Variants in WNT8A observed in about 807,000 individuals in gnomAD.
WNT8A encodes the protein protein Wnt-8a.
WNT8A carries 14 observed loss-of-function variants against 20.5 expected under a neutral mutation model. The observed-to-expected ratio is 0.68, with a 90% CI of 0.45 to 1.07. The LOEUF is 1.07. Among genes scored for constraint, WNT8A ranks in the 50% least tolerant of loss-of-function variants. The pLI is 0.00. For missense variants in WNT8A, 397 were observed against 462.9 expected (o/e 0.86, Z 1.31); for synonymous variants, 167 against 169.2 (o/e 0.99, Z 0.10).
chr5:138,082,828 G>A (rs377582763), upstream of WNT8A, among the ~76,000 whole-genome samples: 3 of 151,518 alleles, frequency 2.0e-5, no homozygotes, highest in Non-Finnish European at 1.5e-5. Flanking sequence ...AGTGAGCCGA[G>A]ATCATGCCAC....
Position 138,090,866 on chromosome 5 carries a change from C to G in WNT8A, c.903C>G (p.Ser301=). ...RECLQNSHNT[S]RWERRSCGRL... ...GCCTACAGAACAGCCACAACACATCCAGGTGGGAGCGACGTAGCTGTGGGC... is the reference window on the plus strand; with the variant it reads ...GCCTACAGAACAGCCACAACACATCGAGGTGGGAGCGACGTAGCTGTGGGC... Residue 301 remains serine, a synonymous_variant, in exon 5 of 5, where the codon TCC becomes TCG. Coordinates refer to ENST00000506684, the MANE Select transcript of WNT8A (RefSeq NM_001300939.2). 1 of 1,614,170 alleles carries G rather than the reference C, an allele frequency of 6.2e-7. No individual in the cohort carries two copies. The highest frequency in any genetic ancestry group is 8.5e-7 in the Non-Finnish European group (1 of 1,180,034).
intron 2 of WNT8A, among the ~76,000 whole-genome samples, chr5:138,085,611 G>A (rs1430228697): frequency 6.6e-6 from 1 of 152,144 alleles, no homozygotes; most frequent in Non-Finnish European, 1.5e-5. Flanking sequence ...CACTTTGGAA[G>A]GCTAAGGCAG....
Position 138,091,380 on chromosome 5 carries a change from A to G in WNT8A, c.*307A>G, listed in dbSNP as rs371795865. 1.4e-5 allele frequency: 20 copies of G among 1,401,040 alleles called. No homozygotes were observed. The African/African-American group carries it at 2.2e-4, about 15-fold the overall frequency. The allele number at this position is 1,401,040 out of a possible 1,614,324, so 86.8% of individuals were successfully genotyped here. ...ACAGGGAGAGTTTGGTTTGGGGTCTATATCTAGAGGGACCTTCAAAGTATT... is the reference window on the plus strand; with the variant it reads ...ACAGGGAGAGTTTGGTTTGGGGTCTGTATCTAGAGGGACCTTCAAAGTATT... On this transcript the variant is annotated 3_prime_UTR_variant, in exon 5 of 5. Coordinates refer to ENST00000506684, the MANE Select transcript of WNT8A (RefSeq NM_001300939.2).
In WNT8A at chr5:138,087,913, T is replaced by G. The variant is rs1289608820; in HGVS notation, c.403T>G (p.Ser135Ala). 2 of 1,613,480 alleles carry G rather than the reference T, an allele frequency of 1.2e-6. No homozygotes were observed. The highest frequency in any genetic ancestry group is 2.7e-5 in the African/African-American group (2 of 74,826). ...CTTCGAAAACTGTGGCTGTGATGGGTCAAACAATGGAAAAACAGGTAAGTT... is the reference window on the plus strand; with the variant it reads ...CTTCGAAAACTGTGGCTGTGATGGGGCAAACAATGGAAAAACAGGTAAGTT... ...GDFENCGCDG[S>A]NNGKTGGHGW... is the part of the protein sequence containing the mutation. Residue 135 changes from serine (S) to alanine (A), a missense_variant, in exon 3 of 5, where the codon TCA (serine) becomes GCA (alanine). Physicochemically the swap from Ser to Ala is moderately conservative, Grantham distance 99. Transcript: ENST00000506684.
upstream of WNT8A, among the ~76,000 whole-genome samples, chr5:138,081,322 C>G (rs1166294495): frequency 6.6e-6 from 1 of 151,890 alleles, no homozygotes; most frequent in Non-Finnish European, 1.5e-5. Context: ...CCCTCTGCTT[C>G]CTAGAAAAAA....
chr5:138,090,711 G>A lies in WNT8A; in HGVS notation c.748G>A (p.Glu250Lys), dbSNP rs367693464. 1.7e-5 allele frequency: 27 copies of A among 1,614,086 alleles called. No homozygotes were observed. The highest frequency in any genetic ancestry group is 4.5e-5 in the East Asian group (2 of 44,904). ...GCAGCTGAGAGCTGGGAACAGCGCCGAGGGCCACTGGGTGCCCGCTGAGGC... is the reference window on the plus strand; with the variant it reads ...GCAGCTGAGAGCTGGGAACAGCGCCAAGGGCCACTGGGTGCCCGCTGAGGC... ...KRQLRAGNSAEGHWVPAEAFL... is the reference protein window; with the variant it reads ...KRQLRAGNSAKGHWVPAEAFL... The change falls in exon 5 of 5, where the codon GAG (glutamate) becomes AAG (lysine). Residue 250 changes from glutamate (E) to lysine (K), a missense_variant. Physicochemically the swap from Glu to Lys is moderately conservative, Grantham distance 56. Coordinates refer to ENST00000506684, the MANE Select transcript of WNT8A (RefSeq NM_001300939.2).
At chr5:138,083,492 T>C (rs1750561704), upstream of WNT8A, among the ~76,000 whole-genome samples, 1 of 152,182 alleles carries the variant, frequency 6.6e-6, no homozygotes, top group South Asian at 2.1e-4. Context: ...TCTGAAGTGT[T>C]CCTGCTCCAT....
chr5:138,084,495 C>T lies in WNT8A; in HGVS notation c.157-3C>T, dbSNP rs1273017218. The T allele has an allele frequency of 3.1e-6, 5 of 1,598,492 alleles. No homozygotes were observed. Among genetic ancestry groups the T allele is most frequent in the Admixed American group, 1.7e-5 (1 of 57,928 alleles). On this transcript the variant is annotated splice_polypyrimidine_tract_variant and splice_region_variant and intron_variant, in intron 1 of 4. Coordinates refer to ENST00000506684, the MANE Select transcript of WNT8A (RefSeq NM_001300939.2). The stretch of plus-strand genomic sequence containing the variant: ...AAGCTCACAGCCCTTTTCCCTTTGC[C>T]AGGCCTATCTGACCTACACGACTAG...
chr5:138,087,709 G>A, intron 2 of WNT8A, 97 bp from the exon 3 acceptor site: 2 of 1,233,366 alleles, frequency 1.6e-6, no homozygotes, highest in Non-Finnish European at 2.2e-6. Context: ...CAAAGGAAGT[G>A]GGGGATAAGG....
upstream of WNT8A, among the ~76,000 whole-genome samples, chr5:138,083,708 G>A (rs1278162704): frequency 6.6e-6 from 1 of 152,182 alleles, no homozygotes; most frequent in Non-Finnish European, 1.5e-5. Flanking sequence ...TGCCTTCAGG[G>A]TTAAGGACCC....
chr5:138,082,713 C>CGGG (rs1581353483), upstream of WNT8A, among the ~76,000 whole-genome samples: 1 of 151,256 alleles, frequency 6.6e-6, no homozygotes, highest in South Asian at 2.1e-4. Flanking sequence ...CCCGTCTCTA[C>CGGG]TAAAAATACA....
chr5:138,079,660 T>C (rs1750452772), upstream of WNT8A, among the ~76,000 whole-genome samples: 1 of 152,178 alleles, frequency 6.6e-6, no homozygotes, highest in South Asian at 2.1e-4. Context: ...GATACTACTA[T>C]TCAATCTATC....
At chr5:138,086,334 C>T (rs907868092) in intron 2 of WNT8A, among the ~76,000 whole-genome samples, 1 of 152,128 alleles carries the variant, frequency 6.6e-6, no homozygotes, top group African/African-American at 2.4e-5. Context: ...TCTCCCACTT[C>T]AGCCTCCTGA....
chr5:138,088,481 C>T (rs926518498), intron 3 of WNT8A, among the ~76,000 whole-genome samples: 6 of 151,928 alleles, frequency 3.9e-5, no homozygotes, highest in South Asian at 2.1e-4. Context: ...CTCAGCCTCC[C>T]GAGTAGCTGG....
intron 4 of WNT8A, among the ~76,000 whole-genome samples, chr5:138,089,290 T>C (rs918198189): frequency 1.3e-5 from 2 of 152,216 alleles, no homozygotes; most frequent in Admixed American, 6.5e-5. Flanking sequence ...TCAGATCTTC[T>C]CACTGAGTCC....
intron 2 of WNT8A, 54 bp downstream of exon 2, chr5:138,084,690 G>A (rs577313023): frequency 6.5e-7 from 1 of 1,530,186 alleles, no homozygotes; most frequent in South Asian, 1.3e-5. Context: ...AATGGAGTGG[G>A]GCTTGCAGTA....
At chr5:138,086,763 G>A (rs1042719313) in intron 2 of WNT8A, among the ~76,000 whole-genome samples, 6 of 150,376 alleles carry the variant, frequency 4.0e-5, no homozygotes, top group South Asian at 2.1e-4. Context: ...GGCCAGGTGC[G>A]GTGGCTCATG....
chr5:138,084,598 AT>A lies in WNT8A; in HGVS notation c.258del (p.Asn86LysfsTer11). The A allele has an allele frequency of 6.2e-7, 1 of 1,613,210 alleles. No individual in the cohort carries two copies. Among genetic ancestry groups the A allele is most frequent in the African/African-American group, 1.3e-5 (1 of 75,002 alleles). ...FAWERWNCPE[N>X]ALQLSTHNRL... Reference sequence around the variant, plus strand: ...TGGGAACGCTGGAACTGCCCTGAAAATGCTCTTCAGCTCTCCACCCACAACA... The same window carrying A: ...TGGGAACGCTGGAACTGCCCTGAAAAGCTCTTCAGCTCTCCACCCACAACA... On this transcript the variant is annotated frameshift_variant, in exon 2 of 5. Coordinates refer to ENST00000506684, the MANE Select transcript of WNT8A (RefSeq NM_001300939.2). LOFTEE classifies it high-confidence loss of function.
chr5:138,084,742 G>A, intron 2 of WNT8A, 106 bp downstream of exon 2: 2 of 1,361,288 alleles, frequency 1.5e-6, no homozygotes, highest in Non-Finnish European at 9.6e-7. Flanking sequence ...AAATAAAAAT[G>A]CTGCCAGTGA....
Sources: allele counts gnomAD v4.1 joint callset (sites outside exome capture counted in the v4.1 genomes callset), GRCh38; gene constraint gnomAD v4.1.1; transcripts MANE v1.5; gene names NCBI Gene and HGNC (gene_info 2026-07-23, HGNC 2026-07-21).